TBATA: variants seen among roughly 807,000 people sequenced by gnomAD.
The protein encoded by TBATA is protein TBATA.
Under a neutral mutation model 38.7 loss-of-function variants are expected in TBATA, and 47 were observed. That is an observed-to-expected ratio of 1.21 (90% CI 0.96 to 1.55). The LOEUF is 1.55. TBATA is among the 40% of genes most tolerant of loss of function. TBATA has a pLI of 0.00. For synonymous variants in TBATA, 183 were observed against 170.5 expected, an observed-to-expected ratio of 1.07 and a Z score of -0.57; for missense variants, 436 against 435.6, an observed-to-expected ratio of 1.00 and a Z score of -0.01.
rs1332152223 is a variant in TBATA, at chr10:70,774,462, A to G, written c.776-105T>C. ...CCATCCAGGGCAGCTTTCTCTAAGC[A>G]TCCCACCTTCTGCCCTCAGGTCCCC... On this transcript the variant is annotated intron_variant, in intron 8 of 10. Transcript: ENST00000456372. The G allele has an allele frequency of 1.1e-5, 12 of 1,132,308 alleles. No individual in the cohort carries two copies. In the East Asian group the frequency reaches 3.1e-4, roughly 29 times the overall value. 70.1% of individuals were successfully genotyped at this position (1,132,308 alleles called of 1,614,324 possible). A position where few individuals can be genotyped will look rare whatever the true frequency, so the allele number is the denominator to read the frequency against.
chr10:70,779,462 TGG>T (rs1843857578), intron 5 of TBATA, 129 bp downstream of exon 5: 1 of 1,095,206 alleles, frequency 9.1e-7, no homozygotes, highest in African/African-American at 1.6e-5. Context: ...GGAGAAAAAG[TGG>T]GGTTCCCCCA....
intron 9 of TBATA, among the ~76,000 whole-genome samples, chr10:70,773,346 G>A (rs1842971058): frequency 6.6e-6 from 1 of 152,072 alleles, no homozygotes; most frequent in African/African-American, 2.4e-5. Flanking sequence ...CACCCAGGCT[G>A]GTCCCACTTC....
At chr10:70,781,105 C>T (rs1844156510) in intron 4 of TBATA, among the ~76,000 whole-genome samples, 1 of 152,202 alleles carries the variant, frequency 6.6e-6, no homozygotes, top group Non-Finnish European at 1.5e-5. Flanking sequence ...TACTTTACTC[C>T]AGCCAGACCA....
At position 70,784,197 on chromosome 10, in the gene TBATA, C is replaced by T. The variant is rs187998033; in HGVS notation, c.-147+450G>A. ...AACAACAGCATCAAACAAGGAAATG[C>T]TAAGCACGAAATTCACATAGTGGCT... is the stretch of plus-strand genomic sequence containing the variant. On this transcript the variant is annotated intron_variant, in intron 2 of 10. Coordinates refer to ENST00000456372, the MANE Select transcript of TBATA (RefSeq NM_001318241.2). 9.2e-5 allele frequency among the ~76,000 whole-genome samples: 14 copies of T among 152,258 alleles called. No individual in the cohort carries two copies. The East Asian group carries it at 2.5e-3, about 27-fold the overall frequency.
chr10:70,782,124 C>A lies in TBATA; in HGVS notation c.42-88G>T, dbSNP rs1215469277. The A allele has an allele frequency of 7.8e-6, 11 of 1,410,968 alleles. No individual in the cohort carries two copies. The East Asian group carries it at 9.6e-5, about 12-fold the overall frequency. The allele number at this position is 1,410,968 out of a possible 1,614,324, so 87.4% of individuals were successfully genotyped here. On this transcript the variant is annotated intron_variant, in intron 3 of 10. Coordinates refer to ENST00000456372, the MANE Select transcript of TBATA (RefSeq NM_001318241.2). ...TCAGAGCTCAGTGCTTGTTACAGAA[C>A]CCCTTCCTGAGGAGCTCTGAAATCT...
At chr10:70,782,579 C>A in intron 3 of TBATA, 2 of 985,458 alleles carry the variant, frequency 2.0e-6, no homozygotes, top group Non-Finnish European at 2.4e-6. Context: ...GTTCTGTTCC[C>A]ATGGGGGTCC....
chr10:70,775,193 G>A lies in TBATA; in HGVS notation c.771C>T (p.Pro257=), dbSNP rs1843236633. The A allele has an allele frequency of 6.2e-7, 1 of 1,613,694 alleles. No homozygotes were observed. Among genetic ancestry groups the A allele is most frequent in the Non-Finnish European group, 8.5e-7 (1 of 1,179,728 alleles). ...GCTGCGGGGCTGTGTCCTCACCCTT[G>A]GGCGGAGCGTAGAGCAGCCAGAACT... ...AIQFWLLYAP[P]KEKDLALGLL... The change falls in exon 8 of 11, where the codon CCC becomes CCT. Residue 257 remains proline (P), a synonymous_variant. Coordinates refer to ENST00000456372, the MANE Select transcript of TBATA (RefSeq NM_001318241.2).
At chr10:70,774,490 G>A (rs1252203005) in intron 8 of TBATA, 133 bp from the exon 9 acceptor site, 17 of 813,480 alleles carry the variant, frequency 2.1e-5, no homozygotes, top group African/African-American at 3.5e-5. Context: ...AGGTCCCCTC[G>A]GGAGAGCTCC....
At position 70,781,889 on chromosome 10, in the gene TBATA, G is replaced by C; in HGVS notation, c.189C>G (p.Thr63=). The C allele has an allele frequency of 6.2e-7, 1 of 1,614,220 alleles. No homozygotes were observed. Reference sequence around the variant, plus strand: ...GGCGTCCAAAGCAGTAGGTGCCAGGGGTTTGGGGCTTTGGGGTCCTCAATG... The same window carrying C: ...GGCGTCCAAAGCAGTAGGTGCCAGGCGTTTGGGGCTTTGGGGTCCTCAATG... ...RRALRTPKPQ[T]PGTYCFGRLS... is the part of the protein sequence containing the mutation. The change falls in exon 4 of 11, where the codon ACC becomes ACG. Residue 63 remains threonine (T), a synonymous_variant. Transcript: ENST00000456372.
chr10:70,780,492 T>G (rs10823620), intron 4 of TBATA, among the ~76,000 whole-genome samples: 66,306 of 151,616 alleles, frequency 0.44, 14,697 homozygotes, highest in Non-Finnish European at 0.47. Context: ...GGTCCCCAGG[T>G]ACCTGTCCCC....
intron 6 of TBATA, among the ~76,000 whole-genome samples, 170 bp from the exon 7 acceptor site, chr10:70,777,508 C>A (rs1364876291): frequency 1.3e-5 from 2 of 152,136 alleles, no homozygotes; most frequent in African/African-American, 4.8e-5. Flanking sequence ...TCTGCCACCC[C>A]CCCAACCTCA....
At chr10:70,777,755 C>A in intron 6 of TBATA, 1 of 433,266 alleles carries the variant, frequency 2.3e-6, no homozygotes, top group Admixed American at 2.7e-5. Context: ...AAGGGCCCAC[C>A]GCCTACCTTA....
intron 3 of TBATA, among the ~76,000 whole-genome samples, chr10:70,782,818 G>A (rs960450800): frequency 1.3e-5 from 2 of 152,182 alleles, no homozygotes; most frequent in East Asian, 1.9e-4. Flanking sequence ...CTGCCTGATC[G>A]CTGTCTGCAT....
rs372755762 is a variant in TBATA, at chr10:70,774,163, C to T, written c.920+50G>A. ...CCTTCTCCAGGTCCCACTGGCCTCACCTGGGAGGACAGAAGGCTGCAGAAG... is the reference window on the plus strand; with the variant it reads ...CCTTCTCCAGGTCCCACTGGCCTCATCTGGGAGGACAGAAGGCTGCAGAAG... On this transcript the variant is annotated intron_variant, in intron 9 of 10. Transcript: ENST00000456372. 7.5e-6 allele frequency: 12 copies of T among 1,601,834 alleles called. No individual in the cohort carries two copies. The African/African-American group carries it at 8.0e-5, about 11-fold the overall frequency.
chr10:70,776,905 G>T (rs574227319), intron 7 of TBATA, among the ~76,000 whole-genome samples: 1 of 152,180 alleles, frequency 6.6e-6, no homozygotes, highest in African/African-American at 2.4e-5. Flanking sequence ...AGGGACCCTC[G>T]ACAACAGTGC....
At chr10:70,774,059 G>C (rs1458507029) in intron 9 of TBATA, 154 bp downstream of exon 9, 2 of 593,396 alleles carry the variant, frequency 3.4e-6, no homozygotes, top group Middle Eastern at 8.3e-4. Flanking sequence ...GGTAGCACTA[G>C]AAGGTCCCTG....
intron 7 of TBATA, chr10:70,776,425 C>G (rs769373064): frequency 6.6e-6 from 3 of 456,280 alleles, no homozygotes; most frequent in South Asian, 4.6e-5. Flanking sequence ...CTATGCTGCT[C>G]CGTCTCAGGG....
rs1160101928 is a variant in TBATA, at chr10:70,778,577, C to T, written c.487G>A (p.Asp163Asn). 1.2e-6 allele frequency: 2 copies of T among 1,614,210 alleles called. No individual in the cohort carries two copies. Among genetic ancestry groups the T allele is most frequent in the South Asian group, 1.1e-5 (1 of 91,076 alleles). ...CCCACCTCTTTCTTCTTCAGTTCATCCTCCTTGGTGAGGAAGGCCACCCGG... is the reference window on the plus strand; with the variant it reads ...CCCACCTCTTTCTTCTTCAGTTCATTCTCCTTGGTGAGGAAGGCCACCCGG... Reference protein sequence around the residue: ...ASRVAFLTKEDELKKKEQKEQ... With the variant: ...ASRVAFLTKENELKKKEQKEQ... Residue 163 changes from aspartate to asparagine, a missense_variant, in exon 6 of 11, where the codon GAT becomes AAT. By Grantham distance (23) the Asp-to-Asn change is conservative (BLOSUM62 1). Transcript: ENST00000456372.
chr10:70,779,914 G>A (rs902821525), intron 4 of TBATA, among the ~76,000 whole-genome samples, 172 bp from the exon 5 acceptor site: 10 of 152,084 alleles, frequency 6.6e-5, no homozygotes, highest in African/African-American at 2.4e-4. Flanking sequence ...ACCAGCGACC[G>A]CCTCACCCAC....
Sources: allele counts gnomAD v4.1 joint callset (sites outside exome capture counted in the v4.1 genomes callset), GRCh38; gene constraint gnomAD v4.1.1; transcripts MANE v1.5; gene names NCBI Gene and HGNC (gene_info 2026-07-23, HGNC 2026-07-21).